MED13L: variants seen among roughly 807,000 people sequenced by gnomAD.
The protein encoded by MED13L is mediator complex subunit 13L.
Under a neutral mutation model 220.9 loss-of-function variants are expected in MED13L, and 7 were observed. That is an observed-to-expected ratio of 0.03 (90% CI 0.02 to 0.06). The LOEUF is 0.06. Among genes scored for constraint, MED13L ranks in the 10% least tolerant of loss-of-function variants. The probability of loss-of-function intolerance (pLI) is 1.00; values close to 1 mark genes in which losing one functional copy is unlikely to be tolerated. For synonymous variants in MED13L, 1,011 were observed against 1,015.2 expected (o/e 1.00, Z 0.08); for missense variants, 1,965 against 2,760.5 (o/e 0.71, Z 6.46).
At chr12:116,122,032 G>A (rs1875146592) in intron 2 of MED13L, among the ~76,000 whole-genome samples, 1 of 151,932 alleles carries the variant, frequency 6.6e-6, no homozygotes, top group African/African-American at 2.4e-5. Context: ...TGAATCCAAG[G>A]TTTATCATTT....
chr12:116,116,205 G>A (rs1317687398), intron 2 of MED13L, among the ~76,000 whole-genome samples: 1 of 152,120 alleles, frequency 6.6e-6, no homozygotes, highest in Non-Finnish European at 1.5e-5. Context: ...GTGACCAGAG[G>A]GTTAGAACTT....
At chr12:116,154,705 T>C (rs1282145811) in intron 2 of MED13L, among the ~76,000 whole-genome samples, 1 of 152,242 alleles carries the variant, frequency 6.6e-6, no homozygotes, top group Non-Finnish European at 1.5e-5. Context: ...TTCTTAACTT[T>C]TACTTTTTAA....
At position 116,032,937 on chromosome 12, in the gene MED13L, T is replaced by C. The variant is rs560701089; in HGVS notation, c.480-10336A>G. ...AGAAGACGGATGGGAGAGGAAATGATGGTAGAGCAGAGAGGGAGAAGAATA... is the reference window on the plus strand; with the variant it reads ...AGAAGACGGATGGGAGAGGAAATGACGGTAGAGCAGAGAGGGAGAAGAATA... On this transcript the variant is annotated intron_variant, in intron 4 of 30. Coordinates refer to ENST00000281928, the MANE Select transcript of MED13L (RefSeq NM_015335.5). Among the ~76,000 whole-genome samples the C allele has an allele frequency of 5.9e-5, 9 of 151,720 alleles. 4 individuals carry two copies. The highest frequency in any genetic ancestry group is 2.2e-4 in the African/African-American group (9 of 41,336).
At chr12:116,002,864 T>C (rs1456485648) in intron 14 of MED13L, 139 bp downstream of exon 14, 2 of 728,050 alleles carry the variant, frequency 2.7e-6, no homozygotes, top group Non-Finnish European at 4.8e-6. Flanking sequence ...CCAATTTATA[T>C]AGGTTTTAAT....
intron 2 of MED13L, among the ~76,000 whole-genome samples, chr12:116,157,730 G>A (rs1009752555): frequency 2.6e-5 from 4 of 152,344 alleles, no homozygotes; most frequent in East Asian, 3.9e-4. Context: ...CAAACATTAC[G>A]TTATTATGGT....
chr12:116,128,164 G>C (rs772639994), intron 2 of MED13L, among the ~76,000 whole-genome samples: 1 of 152,186 alleles, frequency 6.6e-6, no homozygotes, highest in Non-Finnish European at 1.5e-5. Context: ...CCACAAAGAA[G>C]AATGTCAGCA....
At chr12:115,988,841 G>A (rs148294317) in intron 17 of MED13L, among the ~76,000 whole-genome samples, 9 of 152,230 alleles carry the variant, frequency 5.9e-5, no homozygotes, top group Non-Finnish European at 1.3e-4. Context: ...CTGTCCGAAG[G>A]CCTATCTAGT....
chr12:116,120,547 T>C (rs924465240), intron 2 of MED13L, among the ~76,000 whole-genome samples: 6 of 128,988 alleles, frequency 4.7e-5, no homozygotes, highest in Non-Finnish European at 9.7e-5. Context: ...CAGGGGAAAA[T>C]ACATAAAGAG....
chr12:116,156,459 T>G (rs1878449236), intron 2 of MED13L, among the ~76,000 whole-genome samples: 1 of 147,532 alleles, frequency 6.8e-6, no homozygotes, highest in Non-Finnish European at 1.5e-5. Context: ...ATACATCTGA[T>G]GGGGAGGCAG....
intron 1 of MED13L, among the ~76,000 whole-genome samples, chr12:116,249,905 A>G (rs1043117173): frequency 1.3e-5 from 2 of 151,452 alleles, no homozygotes; most frequent in Non-Finnish European, 2.9e-5. Context: ...AACGTCTCAG[A>G]ATGTAGGAGA....
At chr12:116,210,163 G>A (rs546997106) in intron 2 of MED13L, among the ~76,000 whole-genome samples, 1 of 152,246 alleles carries the variant, frequency 6.6e-6, no homozygotes, top group South Asian at 2.1e-4. Flanking sequence ...AGTTAGCAGA[G>A]GCACCCTGAA....
At chr12:116,000,065 C>T (rs1230718967) in intron 14 of MED13L, among the ~76,000 whole-genome samples, 1 of 152,180 alleles carries the variant, frequency 6.6e-6, no homozygotes, top group Non-Finnish European at 1.5e-5. Flanking sequence ...TTGCTGCAAA[C>T]ATCTAAACAT....
At position 116,164,361 on chromosome 12, in the gene MED13L, T is replaced by G. The variant is rs1292753034; in HGVS notation, c.311-52849A>C. Among the ~76,000 whole-genome samples the G allele has an allele frequency of 1.4e-4, 21 of 151,892 alleles. 1 individual carries two copies. Among genetic ancestry groups the G allele is most frequent in the Admixed American group, 1.3e-3 (20 of 15,238 alleles). ...AACAATTCAACTTCCTCAACCAAAA[T>G]CTTGTAAGTATGAAAGAAAAAAACC... On this transcript the variant is annotated intron_variant, in intron 2 of 30. Coordinates refer to ENST00000281928, the MANE Select transcript of MED13L (RefSeq NM_015335.5).
chr12:116,225,690 C>T (rs1229399027), intron 2 of MED13L, among the ~76,000 whole-genome samples: 2 of 152,218 alleles, frequency 1.3e-5, no homozygotes, highest in Non-Finnish European at 1.5e-5. Flanking sequence ...GTAGCAAACA[C>T]CAAAGCAGCT....
At chr12:116,183,052 T>C (rs1366389026) in intron 2 of MED13L, among the ~76,000 whole-genome samples, 1 of 151,780 alleles carries the variant, frequency 6.6e-6, no homozygotes, top group African/African-American at 2.4e-5. Context: ...TTTACAAATT[T>C]GAAAAAAAAA....
chr12:116,077,106 G>C (rs1238721098), intron 4 of MED13L, among the ~76,000 whole-genome samples: 1 of 152,124 alleles, frequency 6.6e-6, no homozygotes, highest in African/African-American at 2.4e-5. Context: ...GCTTGTCAAA[G>C]CCCACTTTAA....
chr12:116,249,949 C>G (rs1871375025), intron 1 of MED13L, among the ~76,000 whole-genome samples: 1 of 144,892 alleles, frequency 6.9e-6, no homozygotes, highest in Non-Finnish European at 1.5e-5. Context: ...GAATAAGGAC[C>G]ACACTGTCTC....
At chr12:116,009,953 T>A (rs35124193) in intron 9 of MED13L, among the ~76,000 whole-genome samples, 48 of 152,294 alleles carry the variant, frequency 3.2e-4, no homozygotes, top group Non-Finnish European at 6.3e-4. Flanking sequence ...TATAAATCAT[T>A]CCCGGGGAAA....
chr12:116,125,939 C>T (rs1199447750), intron 2 of MED13L, among the ~76,000 whole-genome samples: 1 of 152,128 alleles, frequency 6.6e-6, no homozygotes, highest in Non-Finnish European at 1.5e-5. Context: ...AATTATTATT[C>T]TCAACTTTTA....
Sources: gnomAD v4.1 joint callset for allele counts (sites outside exome capture counted in the v4.1 genomes callset) on GRCh38, gnomAD v4.1.1 for gene constraint, MANE v1.5 for transcripts, NCBI Gene and HGNC (gene_info 2026-07-23, HGNC 2026-07-21) for gene names.